The following NWD1 variants were observed in gnomAD, a reference collection of about 807,000 sequenced individuals.
NWD1 encodes the protein NACHT and WD repeat domain containing 1.
NWD1 carries 129 observed loss-of-function variants against 135.1 expected under a neutral mutation model. The observed-to-expected ratio is 0.96, with a 90% CI of 0.83 to 1.11. The LOEUF (loss-of-function observed/expected upper bound fraction) is 1.11, where lower values mean the gene tolerates loss of function less well. Among genes scored for constraint, NWD1 ranks in the 50% least tolerant of loss-of-function variants. The pLI is 0.00. For synonymous variants in NWD1, 773 were observed against 786.0 expected (o/e 0.98, Z 0.28); for missense variants, 1,740 against 1,851.3 (o/e 0.94, Z 1.10).
chr19:16,725,732 T>C (rs1389020805), intron 2 of NWD1, among the ~76,000 whole-genome samples: 1 of 151,744 alleles, frequency 6.6e-6, no homozygotes, highest in African/African-American at 2.4e-5. Context: ...TCTGTATTTT[T>C]AGTAGAGATG....
At chr19:16,756,661 T>C (rs771403023) in intron 6 of NWD1, among the ~76,000 whole-genome samples, 3 of 152,166 alleles carry the variant, frequency 2.0e-5, no homozygotes, top group Non-Finnish European at 4.4e-5. Flanking sequence ...TACCAGCATC[T>C]AGTGGGTGGA....
intron 10 of NWD1, among the ~76,000 whole-genome samples, chr19:16,766,016 C>CAAAAAAA (rs35265751): frequency 5.5e-5 from 5 of 91,726 alleles, no homozygotes; most frequent in Non-Finnish European, 7.7e-5. Context: ...GACTCCGTCT[C>CAAAAAAA]AAAAAAAAAA....
intron 13 of NWD1, among the ~76,000 whole-genome samples, chr19:16,789,854 A>G (rs556292272): frequency 6.6e-6 from 1 of 151,710 alleles, no homozygotes; most frequent in South Asian, 2.1e-4. Flanking sequence ...AATAGCTGGG[A>G]CTACAGGCGC....
Position 16,762,147 on chromosome 19 carries a change from C to T in NWD1, c.2133+9C>T, listed in dbSNP as rs761346051. On this transcript the variant is annotated intron_variant, in intron 8 of 18. Transcript: ENST00000524140. ...TGAACTTGGACCGAAAGGTGAGGTA[C>T]CTGGGACCCCCATTCCCCACCTGCA... The T allele has an allele frequency of 1.9e-5, 31 of 1,609,192 alleles. No individual in the cohort carries two copies. The highest frequency in any genetic ancestry group is 2.6e-5 in the Non-Finnish European group (30 of 1,176,284).
Position 16,773,322 on chromosome 19 carries a change from A to G in NWD1, c.2607A>G (p.Lys869=). 2 of 1,611,364 alleles carry G rather than the reference A, an allele frequency of 1.2e-6. No homozygotes were observed. The highest frequency in any genetic ancestry group is 1.7e-6 in the Non-Finnish European group (2 of 1,179,476). Reference sequence around the variant, plus strand: ...GGGCAACTCTCAGCGGCTGTCACAAAGGTGAGTCTCCCCAGCATAGCAAAA... The same window carrying G: ...GGGCAACTCTCAGCGGCTGTCACAAGGGTGAGTCTCCCCAGCATAGCAAAA... The part of the protein sequence containing the change: ...PLRATLSGCH[K]GITAMAWGVE... Residue 869 remains lysine, a splice_region_variant and synonymous_variant, in exon 11 of 19, where the codon AAA becomes AAG. Transcript: ENST00000524140.
intron 3 of NWD1, among the ~76,000 whole-genome samples, chr19:16,733,026 G>T (rs10451502): frequency 6.6e-6 from 1 of 151,116 alleles, no homozygotes; most frequent in Non-Finnish European, 1.5e-5. Flanking sequence ...GTTTGATACC[G>T]GTCTGGGTAA....
intron 6 of NWD1, among the ~76,000 whole-genome samples, chr19:16,758,776 G>A (rs1258209169): frequency 1.3e-5 from 2 of 151,984 alleles, no homozygotes; most frequent in African/African-American, 4.8e-5. Flanking sequence ...TTGGGAGACC[G>A]AGGCAGGTGG....
At chr19:16,788,636 A>G (rs1490853314) in intron 12 of NWD1, among the ~76,000 whole-genome samples, 1 of 152,016 alleles carries the variant, frequency 6.6e-6, no homozygotes, top group Non-Finnish European at 1.5e-5. Flanking sequence ...AAAATCAATA[A>G]TGAGGGTGTG....
At position 16,798,149 on chromosome 19, in the gene NWD1, G is replaced by A. The variant is rs1187153589; in HGVS notation, c.3459+263G>A. 3.3e-5 allele frequency among the ~76,000 whole-genome samples: 5 copies of A among 150,874 alleles called. No homozygotes were observed. In the East Asian group the frequency reaches 9.7e-4, roughly 29 times the overall value. ...GGCAGATTTGTGCCTTCAGAGTGGA[G>A]CAGGGTTGTGGGGGAGGAAAATTCT... On this transcript the variant is annotated intron_variant, in intron 16 of 18. Coordinates refer to ENST00000524140, the MANE Select transcript of NWD1 (RefSeq NM_001007525.5).
chr19:16,795,658 C>A (rs1385643676), intron 15 of NWD1, among the ~76,000 whole-genome samples: 2 of 152,062 alleles, frequency 1.3e-5, no homozygotes, highest in Non-Finnish European at 2.9e-5. Flanking sequence ...TTCAGGTTAT[C>A]TGCCTGCGTC....
chr19:16,798,895 G>A (rs1970506045), intron 16 of NWD1, among the ~76,000 whole-genome samples: 1 of 151,794 alleles, frequency 6.6e-6, no homozygotes, highest in Non-Finnish European at 1.5e-5. Flanking sequence ...CAAAGTGCTG[G>A]GATTACAGGC....
chr19:16,806,020 C>T (rs1033548240), intron 17 of NWD1, among the ~76,000 whole-genome samples: 1 of 152,008 alleles, frequency 6.6e-6, no homozygotes, highest in Admixed American at 6.6e-5. Flanking sequence ...TTACAGGTGC[C>T]TGCCACCACG....
intron 4 of NWD1, among the ~76,000 whole-genome samples, chr19:16,740,298 C>A (rs1207044254): frequency 1.3e-5 from 2 of 151,476 alleles, no homozygotes; most frequent in Non-Finnish European, 2.9e-5. Context: ...GAGTCTGTCT[C>A]TTAAGAAAAA....
chr19:16,793,738 G>A (rs113345219), intron 14 of NWD1, among the ~76,000 whole-genome samples: 6,175 of 151,468 alleles, frequency 0.041, 407 homozygotes, highest in African/African-American at 0.14. Flanking sequence ...CACCACGCCC[G>A]GCTAATTTTT....
rs761277348 is a variant in NWD1, at chr19:16,800,070, C to T, written c.3644C>T (p.Thr1215Ile). 6.2e-7 allele frequency: 1 copy of T among 1,614,160 alleles called. No individual in the cohort carries two copies. The highest frequency in any genetic ancestry group is 1.1e-5 in the South Asian group (1 of 91,088). ...GTGCCTGCACCATTTCTGGACCGCA[C>T]CGGCCTCACCGCAGTGTCCCACAAT... ...SRVPAPFLDRTGLTAVSHNGS... is the reference protein window; with the variant it reads ...SRVPAPFLDRIGLTAVSHNGS... The change falls in exon 17 of 19, where the codon ACC (threonine) becomes ATC (isoleucine). Residue 1215 changes from threonine (T) to isoleucine (I), a missense_variant. Transcript: ENST00000524140.
chr19:16,764,972 C>A, intron 9 of NWD1, 62 bp from the exon 10 acceptor site: 1 of 1,561,626 alleles, frequency 6.4e-7, no homozygotes, highest in Non-Finnish European at 8.8e-7. Context: ...GATTCTCCAC[C>A]TCCCAGGATG....
chr19:16,726,960 G>C (rs575167641), intron 2 of NWD1, among the ~76,000 whole-genome samples: 1 of 148,972 alleles, frequency 6.7e-6, no homozygotes, highest in Non-Finnish European at 1.5e-5. Flanking sequence ...GGTTGAAATA[G>C]TATGTGCGGT....
Position 16,773,297 on chromosome 19 carries a change from G to A in NWD1, c.2582G>A (p.Arg861Gln), listed in dbSNP as rs371438099. 3.9e-5 allele frequency: 63 copies of A among 1,612,956 alleles called. No homozygotes were observed. The Middle Eastern group carries it at 1.0e-3, about 26-fold the overall frequency. Residue 861 changes from arginine to glutamine, a missense_variant, in exon 11 of 19, where the codon CGG becomes CAG. Physicochemically the swap from Arg to Gln is conservative, Grantham distance 43. Transcript: ENST00000524140. ...GFLQPPGGPL[R>Q]ATLSGCHKGI... Reference sequence around the variant, plus strand: ...CTCCAGCCCCCGGGAGGACCCCTCCGGGCAACTCTCAGCGGCTGTCACAAA... The same window carrying A: ...CTCCAGCCCCCGGGAGGACCCCTCCAGGCAACTCTCAGCGGCTGTCACAAA...
chr19:16,806,379 C>T (rs913324074), intron 17 of NWD1, among the ~76,000 whole-genome samples: 15 of 152,254 alleles, frequency 9.9e-5, no homozygotes, highest in Admixed American at 3.9e-4. Context: ...TGAAATGGCC[C>T]CAGTCAATGA....
Sources: allele counts gnomAD v4.1 joint callset (sites outside exome capture counted in the v4.1 genomes callset), GRCh38; gene constraint gnomAD v4.1.1; transcripts MANE v1.5; gene names NCBI Gene and HGNC (gene_info 2026-07-23, HGNC 2026-07-21).